NDUFA9: variants seen among roughly 807,000 people sequenced by gnomAD.
The protein encoded by NDUFA9 is NADH dehydrogenase [ubiquinone] 1 alpha subcomplex subunit 9, mitochondrial.
In NDUFA9, 23 loss-of-function variants were observed where a neutral mutation model predicts 45.9. The observed-to-expected ratio is 0.50, with a 90% CI of 0.36 to 0.71. NDUFA9 has a LOEUF of 0.71. Ranked by LOEUF, NDUFA9 falls within the 30% of genes least tolerant of loss-of-function variation. The pLI is 0.00. For missense variants in NDUFA9, 466 were observed against 488.2 expected (o/e 0.95, Z 0.43); for synonymous variants, 176 against 170.5 (o/e 1.03, Z -0.25).
intron 5 of NDUFA9, among the ~76,000 whole-genome samples, chr12:4,662,299 C>A (rs976230725): frequency 2.0e-5 from 3 of 152,156 alleles, no homozygotes; most frequent in African/African-American, 7.2e-5. Flanking sequence ...TGTAAGCTTC[C>A]CTTAAAATAA....
intron 1 of NDUFA9, among the ~76,000 whole-genome samples, chr12:4,649,900 A>G (rs1945746665): frequency 1.3e-5 from 2 of 152,284 alleles, no homozygotes; most frequent in South Asian, 4.1e-4. Flanking sequence ...GAAAACATAC[A>G]TTTGTCCTTC....
chr12:4,662,593 G>T lies in NDUFA9; in HGVS notation c.613G>T (p.Asp205Tyr). 3.1e-6 allele frequency: 5 copies of T among 1,613,966 alleles called. No homozygotes were observed. Among genetic ancestry groups the T allele is most frequent in the South Asian group, 1.1e-5 (1 of 91,068 alleles). Residue 205 changes from aspartate to tyrosine, a missense_variant, in exon 6 of 11, where the codon GAC becomes TAC. By Grantham distance (160) the Asp-to-Tyr change is radical (BLOSUM62 -3). Coordinates refer to ENST00000266544, the MANE Select transcript of NDUFA9 (RefSeq NM_005002.5). ...FPEAIIVKPS[D>Y]IFGREDRFLN... is the part of the protein sequence containing the mutation. ...GGAAGCCATTATCGTAAAGCCGTCG[G>T]ACATCTTTGGAAGAGAGGATAGATT...
intron 8 of NDUFA9, among the ~76,000 whole-genome samples, chr12:4,677,934 T>C (rs958845862): frequency 2.6e-5 from 4 of 152,198 alleles, no homozygotes; most frequent in African/African-American, 7.2e-5. Context: ...GTGCCACATA[T>C]ACACCATGGA....
intron 3 of NDUFA9, 52 bp downstream of exon 3, chr12:4,654,974 A>G: frequency 2.1e-6 from 3 of 1,445,546 alleles, no homozygotes; most frequent in Non-Finnish European, 2.9e-6. Context: ...TACTAAGGTC[A>G]TTTTTAGGAG....
In NDUFA9 at chr12:4,688,529, C is replaced by G. The variant is rs1481391012; in HGVS notation, c.*1421C>G. ...ATCCTAGGTTTTGTCCTGTCCCAGG[C>G]GTGTTGAATCAGAATCTGCATTTTA... On this transcript the variant is annotated 3_prime_UTR_variant, in exon 11 of 11. Transcript: ENST00000266544. The G allele has an allele frequency of 6.7e-6, 1 of 149,532 alleles. No homozygotes were observed. Among genetic ancestry groups the G allele is most frequent in the Non-Finnish European group, 1.5e-5 (1 of 67,728 alleles). 9.3% of individuals were successfully genotyped at this position (149,532 alleles called of 1,614,324 possible).
rs948603619 is a variant in NDUFA9, at chr12:4,690,885, G to A, written c.*3777G>A. On this transcript the variant is annotated 3_prime_UTR_variant, in exon 11 of 11. Transcript: ENST00000266544. ...TTAACCTGCTGAAATGTGTGTGTTG[G>A]ACCGGGGTGAGGAGGAAGCAGTCAT... 6.6e-6 allele frequency: 1 copy of A among 152,170 alleles called. No individual in the cohort carries two copies. Among genetic ancestry groups the A allele is most frequent in the Non-Finnish European group, 1.5e-5 (1 of 68,032 alleles). The allele number at this position is 152,170 out of a possible 1,614,324, so 9.4% of individuals were successfully genotyped here.
In NDUFA9 at chr12:4,694,275, T is replaced by C. The variant is rs1160914171; in HGVS notation, c.*7167T>C. 1 of 152,230 alleles carries C rather than the reference T, an allele frequency of 6.6e-6. No homozygotes were observed. Among genetic ancestry groups the C allele is most frequent in the Non-Finnish European group, 1.5e-5 (1 of 68,032 alleles). The allele number at this position is 152,230 out of a possible 1,614,324, so 9.4% of individuals were successfully genotyped here. A position where few individuals can be genotyped will look rare whatever the true frequency, so the allele number is the denominator to read the frequency against. ...TGGATTCTCCTTGGACATTCCTCAC[T>C]GAAAAATGAAATAAAATTTTTGGCA... On this transcript the variant is annotated 3_prime_UTR_variant, in exon 11 of 11. Transcript: ENST00000266544.
intron 8 of NDUFA9, among the ~76,000 whole-genome samples, chr12:4,681,634 T>G (rs551902009): frequency 6.7e-6 from 1 of 150,056 alleles, no homozygotes; most frequent in Admixed American, 6.6e-5. Flanking sequence ...CTTAACATTT[T>G]ATATAAATTG....
intron 1 of NDUFA9, among the ~76,000 whole-genome samples, chr12:4,650,773 T>C (rs1276190022): frequency 6.6e-6 from 1 of 152,174 alleles, no homozygotes; most frequent in Non-Finnish European, 1.5e-5. Flanking sequence ...TTTAGGGCTG[T>C]TATGATCTGG....
intron 8 of NDUFA9, among the ~76,000 whole-genome samples, chr12:4,681,987 A>G (rs1945955605): frequency 6.6e-6 from 1 of 152,226 alleles, no homozygotes; most frequent in African/African-American, 2.4e-5. Context: ...ATTTATTAAA[A>G]GCAGAATAAT....
chr12:4,669,939 C>A, intron 8 of NDUFA9, 122 bp downstream of exon 8: 2 of 728,010 alleles, frequency 2.7e-6, no homozygotes, highest in Non-Finnish European at 2.4e-6. Context: ...TCATTGCTTG[C>A]ATTAAATCAG....
At chr12:4,670,197 C>A (rs1945878031) in intron 8 of NDUFA9, among the ~76,000 whole-genome samples, 1 of 152,168 alleles carries the variant, frequency 6.6e-6, no homozygotes, top group Non-Finnish European at 1.5e-5. Flanking sequence ...ACAATGCCTC[C>A]AGAGGCTGAA....
chr12:4,676,806 A>G (rs1945922524), intron 8 of NDUFA9, among the ~76,000 whole-genome samples: 1 of 152,196 alleles, frequency 6.6e-6, no homozygotes, highest in Non-Finnish European at 1.5e-5. Context: ...ACTACTTTAA[A>G]TTTCATATGG....
intron 3 of NDUFA9, 117 bp from the exon 4 acceptor site, chr12:4,657,631 C>G: frequency 1.4e-6 from 1 of 707,320 alleles, no homozygotes. Flanking sequence ...TGAAATGGCA[C>G]TATATTATGA....
chr12:4,664,947 G>A (rs1013939387), intron 6 of NDUFA9, among the ~76,000 whole-genome samples: 2 of 152,104 alleles, frequency 1.3e-5, no homozygotes, highest in South Asian at 4.1e-4. Context: ...TCTATCTTAT[G>A]CCTGTCTCAC....
At chr12:4,686,907 G>C in intron 10 of NDUFA9, 31 bp from the exon 11 acceptor site, 1 of 1,604,188 alleles carries the variant, frequency 6.2e-7, no homozygotes, top group East Asian at 2.2e-5. Flanking sequence ...CCAGTTTTCA[G>C]CATTGTCTGT....
At chr12:4,684,601 C>G (rs1487372368) in intron 9 of NDUFA9, among the ~76,000 whole-genome samples, 1 of 152,112 alleles carries the variant, frequency 6.6e-6, no homozygotes, top group African/African-American at 2.4e-5. Context: ...GAGACCCTGT[C>G]TGTGGAACAA....
intron 1 of NDUFA9, among the ~76,000 whole-genome samples, chr12:4,653,247 A>G (rs1436931730): frequency 6.6e-6 from 1 of 152,256 alleles, no homozygotes; most frequent in Non-Finnish European, 1.5e-5. Flanking sequence ...AGAAGAAAAT[A>G]TTTAGTGGGG....
chr12:4,676,794 A>T (rs929016905), intron 8 of NDUFA9, among the ~76,000 whole-genome samples: 1 of 152,166 alleles, frequency 6.6e-6, no homozygotes, highest in Non-Finnish European at 1.5e-5. Flanking sequence ...AATTGGAAAA[A>T]TACTACTTTA....
Sources: allele counts gnomAD v4.1 joint callset (sites outside exome capture counted in the v4.1 genomes callset), GRCh38; gene constraint gnomAD v4.1.1; transcripts MANE v1.5; gene names NCBI Gene and HGNC (gene_info 2026-07-23, HGNC 2026-07-21).